The following MAGI2 variants were observed in gnomAD, a reference collection of about 807,000 sequenced individuals.
MAGI2 encodes the protein membrane associated guanylate kinase, WW and PDZ domain containing 2.
A neutral mutation model predicts 133.3 loss-of-function variants in MAGI2; 35 were observed. The ratio of observed to expected loss-of-function variants is 0.26; its 90% CI spans 0.20 to 0.35. MAGI2 has a LOEUF of 0.35. MAGI2 is among the 10% of genes least tolerant of loss of function. The pLI, the probability that MAGI2 is intolerant of heterozygous loss-of-function variation, is 1.00. For missense variants in MAGI2, 1,636 were observed against 1,863.4 expected (o/e 0.88, Z 2.25); for synonymous variants, 729 against 710.6 (o/e 1.03, Z -0.41).
At chr7:79,132,338 C>T (rs972522712) in intron 1 of MAGI2, among the ~76,000 whole-genome samples, 31 of 152,220 alleles carry the variant, frequency 2.0e-4, no homozygotes, top group African/African-American at 7.0e-4. Context: ...CATTATATCA[C>T]TCTGTGTGAC....
chr7:78,491,433 G>C (rs1793592249), intron 5 of MAGI2, among the ~76,000 whole-genome samples: 2 of 152,052 alleles, frequency 1.3e-5, no homozygotes, highest in Non-Finnish European at 2.9e-5. Context: ...TTTTATTTCT[G>C]ACTTTCACAT....
intron 1 of MAGI2, among the ~76,000 whole-genome samples, chr7:79,177,454 A>G (rs928200203): frequency 7.9e-5 from 12 of 152,052 alleles, no homozygotes; most frequent in African/African-American, 1.7e-4. Context: ...ATAAGCTACA[A>G]GTTCTATTTT....
At chr7:78,815,522 C>T (rs563730155) in intron 2 of MAGI2, among the ~76,000 whole-genome samples, 2 of 151,898 alleles carry the variant, frequency 1.3e-5, no homozygotes, top group African/African-American at 4.8e-5. Flanking sequence ...TTTTTTTACC[C>T]AAATTGAAGG....
intron 2 of MAGI2, among the ~76,000 whole-genome samples, chr7:78,645,265 T>C (rs1325808747): frequency 6.6e-6 from 1 of 152,098 alleles, no homozygotes; most frequent in Non-Finnish European, 1.5e-5. Context: ...ACAAATTCTT[T>C]CAGAAATCTG....
chr7:79,333,706 TTTAA>T (rs1840242119), intron 1 of MAGI2, among the ~76,000 whole-genome samples: 1 of 152,176 alleles, frequency 6.6e-6, no homozygotes, highest in African/African-American at 2.4e-5. Flanking sequence ...TTATTGAATG[TTTAA>T]TTAATTTGTT....
At chr7:79,354,660 C>G (rs1841904297) in intron 1 of MAGI2, among the ~76,000 whole-genome samples, 2 of 152,136 alleles carry the variant, frequency 1.3e-5, no homozygotes, top group Non-Finnish European at 2.9e-5. Context: ...CAAAGAAACT[C>G]CCTCCAAATT....
intron 1 of MAGI2, among the ~76,000 whole-genome samples, chr7:79,140,556 G>A (rs1822028511): frequency 1.3e-5 from 2 of 151,952 alleles, no homozygotes; most frequent in Admixed American, 1.3e-4. Flanking sequence ...ATATGGAAAG[G>A]ACGATGAAAA....
intron 2 of MAGI2, among the ~76,000 whole-genome samples, chr7:78,763,037 A>G (rs1420558508): frequency 6.6e-6 from 1 of 152,182 alleles, no homozygotes; most frequent in Non-Finnish European, 1.5e-5. Flanking sequence ...AGAGAGAAAC[A>G]CGAGAAATGA....
chr7:78,776,520 T>C (rs947141872), intron 2 of MAGI2, among the ~76,000 whole-genome samples: 1 of 152,236 alleles, frequency 6.6e-6, no homozygotes, highest in African/African-American at 2.4e-5. Context: ...TCATTTTTCT[T>C]AAAAAACAAT....
chr7:78,373,742 C>T (rs988175093), intron 6 of MAGI2, among the ~76,000 whole-genome samples: 2 of 151,970 alleles, frequency 1.3e-5, no homozygotes, highest in Non-Finnish European at 2.9e-5. Flanking sequence ...AACTCTTTTC[C>T]CCCTCCTTCC....
chr7:78,160,319 C>T, intron 15 of MAGI2, 46 bp from the exon 16 acceptor site: 2 of 1,519,522 alleles, frequency 1.3e-6, no homozygotes, highest in Non-Finnish European at 1.8e-6. Context: ...TTACAAGGGT[C>T]TCAATGAATG....
At chr7:79,301,515 C>A (rs1429798088) in intron 1 of MAGI2, among the ~76,000 whole-genome samples, 1 of 152,128 alleles carries the variant, frequency 6.6e-6, no homozygotes, top group African/African-American at 2.4e-5. Context: ...AAATGTTTAC[C>A]CAATGCCTGT....
chr7:78,566,304 G>T (rs890009796), intron 3 of MAGI2, among the ~76,000 whole-genome samples: 1 of 152,072 alleles, frequency 6.6e-6, no homozygotes, highest in Non-Finnish European at 1.5e-5. Flanking sequence ...GATCCTGAAC[G>T]GTGGAAGGAT....
intron 2 of MAGI2, among the ~76,000 whole-genome samples, chr7:78,992,105 G>C (rs1805843016): frequency 6.6e-6 from 1 of 152,002 alleles, no homozygotes; most frequent in Non-Finnish European, 1.5e-5. Flanking sequence ...GTTAAACAAA[G>C]ATGAAATAAT....
At chr7:78,300,662 G>T (rs1047481263) in intron 9 of MAGI2, among the ~76,000 whole-genome samples, 3 of 152,142 alleles carry the variant, frequency 2.0e-5, no homozygotes, top group Non-Finnish European at 2.9e-5. Flanking sequence ...TAAAAATATG[G>T]TGCCTAATGA....
intron 3 of MAGI2, among the ~76,000 whole-genome samples, chr7:78,597,978 C>T (rs1804797339): frequency 4.0e-5 from 6 of 151,866 alleles, no homozygotes; most frequent in Admixed American, 2.6e-4. Context: ...GTAAGTGACA[C>T]CAATACAAGG....
At chr7:78,521,837 G>A (rs1389371086) in intron 3 of MAGI2, among the ~76,000 whole-genome samples, 192 bp from the exon 4 acceptor site, 9 of 151,698 alleles carry the variant, frequency 5.9e-5, no homozygotes, top group Admixed American at 4.6e-4. Context: ...TGTTCCTTCT[G>A]TTGCGTTGGA....
chr7:79,425,613 T>C (rs1231065086), intron 1 of MAGI2, among the ~76,000 whole-genome samples: 1 of 149,646 alleles, frequency 6.7e-6, no homozygotes, highest in African/African-American at 2.4e-5. Flanking sequence ...TATATATGTA[T>C]ATATACGTTT....
chr7:78,236,699 A>G (rs1790577004), intron 10 of MAGI2, among the ~76,000 whole-genome samples: 1 of 152,200 alleles, frequency 6.6e-6, no homozygotes, highest in South Asian at 2.1e-4. Context: ...GGTAAATAAC[A>G]TTAGAAACTG....
Sources: allele counts gnomAD v4.1 joint callset (sites outside exome capture counted in the v4.1 genomes callset), GRCh38; gene constraint gnomAD v4.1.1; transcripts MANE v1.5; gene names NCBI Gene and HGNC (gene_info 2026-07-23, HGNC 2026-07-21).